SCOC: variants seen among roughly 807,000 people sequenced by gnomAD.
SCOC encodes the protein short coiled-coil protein.
Under a neutral mutation model 9.9 loss-of-function variants are expected in SCOC, and 7 were observed. The observed-to-expected ratio is 0.71, with a 90% CI of 0.40 to 1.33. SCOC has a LOEUF of 1.33. Among genes scored for constraint, SCOC ranks in the 40% most tolerant of loss-of-function variants. SCOC has a pLI of 0.01. For synonymous variants in SCOC, 19 were observed against 28.2 expected (o/e 0.67, Z 1.03); for missense variants, 66 against 89.7 (o/e 0.74, Z 1.07).
chr4:140,343,589 C>T, intron 1 of SCOC: 2 of 1,465,868 alleles, frequency 1.4e-6, no homozygotes, highest in Non-Finnish European at 1.9e-6. Flanking sequence ...ACAACTGCTG[C>T]TTTTCTCTGC....
chr4:140,265,964 A>C (rs1025554836), intron 1 of SCOC, among the ~76,000 whole-genome samples: 4 of 152,164 alleles, frequency 2.6e-5, no homozygotes, highest in African/African-American at 9.7e-5. Flanking sequence ...TGGAGGACCT[A>C]CTTTGGCAGA....
chr4:140,355,827 C>T (rs771982981), intron 2 of SCOC, among the ~76,000 whole-genome samples: 30 of 151,890 alleles, frequency 2.0e-4, no homozygotes, highest in East Asian at 9.6e-4. Context: ...GAAGGGAACT[C>T]GGAAAAATGT....
intron 1 of SCOC, among the ~76,000 whole-genome samples, chr4:140,331,451 C>T (rs995980880): frequency 2.0e-5 from 3 of 152,144 alleles, no homozygotes; most frequent in Admixed American, 1.3e-4. Context: ...CAGATTTTCT[C>T]GCTGGTTAGA....
At chr4:140,374,286 G>C in intron 1 of SCOC, 1 of 410,210 alleles carries the variant, frequency 2.4e-6, no homozygotes, top group South Asian at 1.8e-5. Flanking sequence ...AGAAAGGTTT[G>C]GAAAGGAGAA....
intron 2 of SCOC, among the ~76,000 whole-genome samples, chr4:140,359,140 A>G (rs1385655811): frequency 6.6e-6 from 1 of 152,140 alleles, no homozygotes; most frequent in Admixed American, 6.5e-5. Context: ...TTTGTGGCTG[A>G]GTGATTCAGG....
In SCOC at chr4:140,291,766, T is replaced by C. The variant is rs113149870; in HGVS notation, c.-19+34356T>C. 7.0e-3 allele frequency among the ~76,000 whole-genome samples: 1,062 copies of C among 152,244 alleles called. 9 individuals carry two copies. Among genetic ancestry groups the C allele is most frequent in the Non-Finnish European group, 0.01 (711 of 68,010 alleles). On this transcript the variant is annotated intron_variant, in intron 1 of 4. Transcript: ENST00000394205. ...GGATCCATCTGATTTCTCAGCTCTA[T>C]TGGGGGGGCTGTGATAATACTGCAG...
At chr4:140,308,297 GC>G (rs1455454915) in intron 1 of SCOC, among the ~76,000 whole-genome samples, 1 of 152,130 alleles carries the variant, frequency 6.6e-6, no homozygotes, top group Non-Finnish European at 1.5e-5. Context: ...TTCACAATGA[GC>G]AAAACACCTG....
In SCOC at chr4:140,285,235, A is replaced by G. The variant is rs1391634524; in HGVS notation, c.-19+27825A>G. 10 of 456,780 alleles carry G rather than the reference A, an allele frequency of 2.2e-5. No homozygotes were observed. In the Admixed American group the frequency reaches 2.3e-4, roughly 11 times the overall value. The allele number at this position is 456,780 out of a possible 1,614,324, so 28.3% of individuals were successfully genotyped here. The stretch of plus-strand genomic sequence containing the variant: ...GTATTTCTTCCTCTGCCTCCCTGCA[A>G]TCGACATATCCTTGTAATCAGGAGC... On this transcript the variant is annotated intron_variant, in intron 1 of 4. Coordinates refer to the SCOC transcript ENST00000394205.
At chr4:140,313,249 C>T (rs576241150) in intron 1 of SCOC, among the ~76,000 whole-genome samples, 3 of 152,244 alleles carry the variant, frequency 2.0e-5, no homozygotes, top group East Asian at 3.9e-4. Context: ...ACTGGAAATA[C>T]GGATTTGTTT....
chr4:140,362,736 G>A (rs908212684), intron 2 of SCOC: 3 of 152,104 alleles, frequency 2.0e-5, no homozygotes, highest in African/African-American at 7.2e-5. Flanking sequence ...TTAATCTCCA[G>A]CTGGTGTGGT....
At position 140,383,534 on chromosome 4, in the gene SCOC, G is replaced by A. The variant is rs1728629178; in HGVS notation, c.*2430G>A. 1.3e-5 allele frequency: 2 copies of A among 152,226 alleles called. No individual in the cohort carries two copies. Among genetic ancestry groups the A allele is most frequent in the Non-Finnish European group, 2.9e-5 (2 of 68,052 alleles). 9.4% of individuals were successfully genotyped at this position (152,226 alleles called of 1,614,324 possible). ...AGATTTTGTCCCTAGCAGTGGAGAA[G>A]TTCCTTGATTCAACTATGATTCTGA... On this transcript the variant is annotated 3_prime_UTR_variant, in exon 4 of 4. Transcript: ENST00000608372.
intron 1 of SCOC, among the ~76,000 whole-genome samples, chr4:140,309,412 A>T (rs1254543585): frequency 6.6e-6 from 1 of 152,166 alleles, no homozygotes; most frequent in Non-Finnish European, 1.5e-5. Context: ...AGTGTGCTGG[A>T]GAAGTGGCTG....
intron 2 of SCOC, among the ~76,000 whole-genome samples, chr4:140,355,226 T>TATG (rs1553940414): frequency 0.024 from 2,935 of 122,088 alleles, 61 homozygotes; most frequent in Middle Eastern, 0.043. Context: ...TATATATATA[T>TATG]ATATATATAT....
chr4:140,374,545 T>G (rs527738484), intron 1 of SCOC, among the ~76,000 whole-genome samples: 1 of 152,310 alleles, frequency 6.6e-6, no homozygotes, highest in Admixed American at 6.5e-5. Flanking sequence ...CTTGTGGAAT[T>G]TGAAACTGGA....
intron 2 of SCOC, among the ~76,000 whole-genome samples, chr4:140,345,508 T>C (rs1379595150): frequency 6.6e-6 from 1 of 152,258 alleles, no homozygotes; most frequent in African/African-American, 2.4e-5. Flanking sequence ...CTGGTAACAC[T>C]GGTTCATCTT....
At chr4:140,324,182 T>C (rs902247494) in intron 1 of SCOC, among the ~76,000 whole-genome samples, 1 of 152,024 alleles carries the variant, frequency 6.6e-6, no homozygotes, top group Admixed American at 6.6e-5. Context: ...CTCAGAAAAC[T>C]AGGAATAGAA....
At chr4:140,306,846 G>A (rs1414866468) in intron 1 of SCOC, among the ~76,000 whole-genome samples, 1 of 152,214 alleles carries the variant, frequency 6.6e-6, no homozygotes, top group Non-Finnish European at 1.5e-5. Flanking sequence ...TCAAAGAGAA[G>A]CAATGATTGT....
chr4:140,302,715 T>C (rs1026509418), intron 1 of SCOC, among the ~76,000 whole-genome samples: 3 of 152,238 alleles, frequency 2.0e-5, no homozygotes, highest in Non-Finnish European at 2.9e-5. Flanking sequence ...GCAAGGCTTA[T>C]GTCATTCAGA....
chr4:140,324,913 T>C (rs1333019288), intron 1 of SCOC, among the ~76,000 whole-genome samples: 3 of 151,772 alleles, frequency 2.0e-5, no homozygotes, highest in Non-Finnish European at 4.4e-5. Flanking sequence ...GGAGGATTCA[T>C]GCTAGGATTT....
Sources: gnomAD v4.1 joint callset for allele counts (sites outside exome capture counted in the v4.1 genomes callset) on GRCh38, gnomAD v4.1.1 for gene constraint, MANE v1.5 for transcripts, NCBI Gene and HGNC (gene_info 2026-07-23, HGNC 2026-07-21) for gene names.